Variants in JPH2 observed in about 807,000 individuals in gnomAD.
The protein encoded by JPH2 is junctophilin-2.
In JPH2, 38 loss-of-function variants were observed where a neutral mutation model predicts 55.9. The ratio of observed to expected loss-of-function variants is 0.68; its 90% CI spans 0.52 to 0.89. The LOEUF is 0.89. JPH2 is among the 40% of genes least tolerant of loss of function. JPH2 has a pLI of 0.00. For missense variants in JPH2, 964 were observed against 1,037.6 expected (o/e 0.93, Z 0.97); for synonymous variants, 480 against 472.4 (o/e 1.02, Z -0.21).
At position 44,116,215 on chromosome 20, in the gene JPH2, G is replaced by T. The variant is rs1413584228; in HGVS notation, c.1460C>A (p.Pro487Gln). Residue 487 changes from proline to glutamine, a missense_variant, in exon 4 of 6, where the codon CCG becomes CAG. By Grantham distance (76) the Pro-to-Gln change is moderately conservative. Transcript: ENST00000372980. ...TPRPEGGSPS[P>Q]AGTPPQPKRP... Reference sequence around the variant, plus strand: ...CTTGGGCTGCGGGGGCGTCCCGGCCGGTGACGGGGAGCCACCCTCGGGCCG... The same window carrying T: ...CTTGGGCTGCGGGGGCGTCCCGGCCTGTGACGGGGAGCCACCCTCGGGCCG... The T allele has an allele frequency of 3.6e-6, 5 of 1,395,260 alleles. No homozygotes were observed. The highest frequency in any genetic ancestry group is 4.6e-6 in the Non-Finnish European group (5 of 1,086,322). The allele number at this position is 1,395,260 out of a possible 1,614,324, so 86.4% of individuals were successfully genotyped here.
intron 1 of JPH2, among the ~76,000 whole-genome samples, chr20:44,173,224 C>G (rs1459434182): frequency 1.3e-5 from 2 of 152,118 alleles, no homozygotes; most frequent in Non-Finnish European, 2.9e-5. Flanking sequence ...TGTAACCTCC[C>G]CAGCGACTCC....
chr20:44,161,079 TACAC>T (rs374186241), intron 1 of JPH2, among the ~76,000 whole-genome samples: 29 of 151,708 alleles, frequency 1.9e-4, no homozygotes, highest in Admixed American at 6.6e-4. Context: ...CTGTCACACA[TACAC>T]ACACACACAC....
rs2072599611 is a variant in JPH2, at chr20:44,160,198, G to A, written c.589C>T (p.Arg197Cys). 7.1e-7 allele frequency: 1 copy of A among 1,403,544 alleles called. No individual in the cohort carries two copies. The highest frequency in any genetic ancestry group is 2.5e-4 in the Middle Eastern group (1 of 4,060). 86.9% of individuals were successfully genotyped at this position (1,403,544 alleles called of 1,614,324 possible). The change falls in exon 2 of 6, where the codon CGT becomes TGT. Residue 197 changes from arginine (R) to cysteine (C), a missense_variant. Arg to Cys is a radical substitution (Grantham distance 180). Coordinates refer to ENST00000372980, the MANE Select transcript of JPH2 (RefSeq NM_020433.5). This position sits in a 1 kb window ranked among gnomAD's most constrained non-coding sequence, Gnocchi z 4.9. ...GPALPSPAIP[R>C]GGFALSLLAN... ...AGGAGGCTGAGCGCGAAGCCGCCACGCGGGATGGCGGGCGAGGGCAGCGCG... is the reference window on the plus strand; with the variant it reads ...AGGAGGCTGAGCGCGAAGCCGCCACACGGGATGGCGGGCGAGGGCAGCGCG...
rs560876428 is a variant in JPH2 at position 44,110,213 on chromosome 20, AAC to A, written c.*3303_*3304del. 2.0e-5 allele frequency among the ~76,000 whole-genome samples: 3 copies of A among 151,580 alleles called. No individual in the cohort carries two copies. Among genetic ancestry groups the A allele is most frequent in the East Asian group, 3.9e-4 (2 of 5,174 alleles). ...AGCCACCCCTGCCCCCAACTCATCC[AAC>A]ACACACACATACACACACACACACA... On this transcript the variant is annotated 3_prime_UTR_variant, in exon 6 of 6. Transcript: ENST00000372980.
At chr20:44,151,579 C>A (rs2145872451) in intron 2 of JPH2, among the ~76,000 whole-genome samples, 1 of 152,262 alleles carries the variant, frequency 6.6e-6, no homozygotes, top group South Asian at 2.1e-4. Flanking sequence ...TTCTCTGGGG[C>A]AGCCATTAGC....
At position 44,114,889 on chromosome 20, in the gene JPH2, G is replaced by T. The variant is rs769983313; in HGVS notation, c.2011-13C>A. The T allele has an allele frequency of 5.0e-6, 8 of 1,591,644 alleles. No homozygotes were observed. Among genetic ancestry groups the T allele is most frequent in the Non-Finnish European group, 6.8e-6 (8 of 1,169,130 alleles). On this transcript the variant is annotated splice_polypyrimidine_tract_variant and intron_variant, in intron 4 of 5. Coordinates refer to ENST00000372980, the MANE Select transcript of JPH2 (RefSeq NM_020433.5). ...TGGTGTTGGGGACCTGGGAGCAGTG[G>T]AGAGAGGCTTCCTGAGTCCCCATGG...
chr20:44,159,546 C>G lies in JPH2; in HGVS notation c.1169+72G>C. On this transcript the variant is annotated intron_variant, in intron 2 of 5. Transcript: ENST00000372980. This position sits in a 1 kb window ranked among gnomAD's most constrained non-coding sequence, Gnocchi z 5.7. Reference sequence around the variant, plus strand: ...GAATCAGGCTTGGAGACAGGGCCTCCTAGGTTGCCCTGCCCCAGGACCCCC... The same window carrying G: ...GAATCAGGCTTGGAGACAGGGCCTCGTAGGTTGCCCTGCCCCAGGACCCCC... 1 of 1,475,212 alleles carries G rather than the reference C, an allele frequency of 6.8e-7. No individual in the cohort carries two copies. The highest frequency in any genetic ancestry group is 1.2e-5 in the South Asian group (1 of 83,554). The allele number at this position is 1,475,212 out of a possible 1,614,324, so 91.4% of individuals were successfully genotyped here.
intron 2 of JPH2, among the ~76,000 whole-genome samples, chr20:44,141,945 A>G (rs888890381): frequency 1.3e-5 from 2 of 152,192 alleles, no homozygotes; most frequent in African/African-American, 4.8e-5. Flanking sequence ...AGGCAAATCT[A>G]TCAAAAGCTG....
At chr20:44,127,308 C>T (rs2072283986) in intron 2 of JPH2, among the ~76,000 whole-genome samples, 1 of 152,130 alleles carries the variant, frequency 6.6e-6, no homozygotes, top group Non-Finnish European at 1.5e-5. Context: ...TTTTATTCCT[C>T]TTGAGTATAT....
In JPH2 at chr20:44,110,455, T is replaced by C. The variant is rs988615304; in HGVS notation, c.*3063A>G. Among the ~76,000 whole-genome samples the C allele has an allele frequency of 6.6e-6, 1 of 151,624 alleles. No individual in the cohort carries two copies. The highest frequency in any genetic ancestry group is 2.4e-5 in the African/African-American group (1 of 41,192). On this transcript the variant is annotated 3_prime_UTR_variant, in exon 6 of 6. Coordinates refer to ENST00000372980, the MANE Select transcript of JPH2 (RefSeq NM_020433.5). Reference sequence around the variant, plus strand: ...TTTTTTTTTTTTCCAGATGGAGTCTTGCTCTGTCACCCAGGCTGGAGTGCA... The same window carrying C: ...TTTTTTTTTTTTCCAGATGGAGTCTCGCTCTGTCACCCAGGCTGGAGTGCA...
At chr20:44,175,801 G>A (rs776871160) in intron 1 of JPH2, among the ~76,000 whole-genome samples, 10 of 152,200 alleles carry the variant, frequency 6.6e-5, no homozygotes, top group Non-Finnish European at 8.8e-5. Flanking sequence ...CCAGGCCTTG[G>A]GTCAGCTCAG....
chr20:44,146,063 T>G lies in JPH2; in HGVS notation c.1169+13555A>C, dbSNP rs555965707. Among the ~76,000 whole-genome samples, 6 of 149,572 alleles carry G rather than the reference T, an allele frequency of 4.0e-5. No homozygotes were observed. The South Asian group carries it at 1.3e-3, about 32-fold the overall frequency. On this transcript the variant is annotated intron_variant, in intron 2 of 5. Coordinates refer to ENST00000372980, the MANE Select transcript of JPH2 (RefSeq NM_020433.5). ...TTTTTTTTTTTTTTGAGATGGAGTC[T>G]CACTCGGTTGCCCAGGCTACAGTGC...
At chr20:44,164,671 AAAACAAAC>A (rs34787127) in intron 1 of JPH2, among the ~76,000 whole-genome samples, 14,397 of 149,464 alleles carry the variant, frequency 0.096, 924 homozygotes, top group African/African-American at 0.19. Context: ...AAAGCCTCAA[AAAACAAAC>A]AAACAAACAA....
chr20:44,176,153 C>A (rs953105349), intron 1 of JPH2, among the ~76,000 whole-genome samples: 1 of 152,160 alleles, frequency 6.6e-6, no homozygotes, highest in South Asian at 2.1e-4. Context: ...TCTGCTACTA[C>A]AAGGTAGTGG....
At chr20:44,117,235 C>T (rs1317719777) in intron 3 of JPH2, among the ~76,000 whole-genome samples, 3 of 152,150 alleles carry the variant, frequency 2.0e-5, no homozygotes, top group Non-Finnish European at 2.9e-5. Context: ...GCTGAGATCG[C>T]GCCACTGCAC....
chr20:44,168,674 A>G (rs546234802), intron 1 of JPH2, among the ~76,000 whole-genome samples: 1 of 152,362 alleles, frequency 6.6e-6, no homozygotes, highest in South Asian at 2.1e-4. Context: ...CGTCCTGACT[A>G]GTGCTTTCAC....
chr20:44,144,722 G>A (rs754490516), intron 2 of JPH2, among the ~76,000 whole-genome samples: 6 of 152,220 alleles, frequency 3.9e-5, no homozygotes, highest in Non-Finnish European at 7.3e-5. Flanking sequence ...TCTCGTGTGA[G>A]TTTGGACTGG....
intron 1 of JPH2, chr20:44,177,001 T>G (rs2072739164): frequency 1.0e-6 from 1 of 985,296 alleles, no homozygotes; most frequent in Non-Finnish European, 1.2e-6. Flanking sequence ...AGGTGCTCAT[T>G]CCTGGCCTGG....
chr20:44,171,492 G>A lies in JPH2; in HGVS notation c.380-11085C>T, dbSNP rs1439374824. On this transcript the variant is annotated intron_variant, in intron 1 of 5. Coordinates refer to ENST00000372980, the MANE Select transcript of JPH2 (RefSeq NM_020433.5). Reference sequence around the variant, plus strand: ...GTAGCCTAGAATCTACTAGAAGGATGAAGTTCAAGCTCCTCACTGTGACCC... The same window carrying A: ...GTAGCCTAGAATCTACTAGAAGGATAAAGTTCAAGCTCCTCACTGTGACCC... Among the ~76,000 whole-genome samples, 3 of 152,140 alleles carry A rather than the reference G, an allele frequency of 2.0e-5. No homozygotes were observed. In the East Asian group the frequency reaches 5.8e-4, roughly 29 times the overall value.
Sources: allele counts gnomAD v4.1 joint callset (sites outside exome capture counted in the v4.1 genomes callset), GRCh38; gene constraint gnomAD v4.1.1; non-coding constraint Gnocchi (gnomAD v3.1); transcripts MANE v1.5; gene names NCBI Gene and HGNC (gene_info 2026-07-23, HGNC 2026-07-21).